PHACTR3: variants seen among roughly 807,000 people sequenced by gnomAD.
PHACTR3 encodes the protein phosphatase and actin regulator 3.
Under a neutral mutation model 66.8 loss-of-function variants are expected in PHACTR3, and 16 were observed. The ratio of observed to expected loss-of-function variants is 0.24; its 90% CI spans 0.16 to 0.36. The LOEUF is 0.36. PHACTR3 is among the 10% of genes least tolerant of loss of function. PHACTR3 has a pLI of 1.00. For missense variants in PHACTR3, 647 were observed against 719.9 expected (o/e 0.90, Z 1.16); for synonymous variants, 323 against 292.1 (o/e 1.11, Z -1.08).
chr20:59,766,229 C>T lies in PHACTR3; in HGVS notation c.542-957C>T, dbSNP rs912919892. Among the ~76,000 whole-genome samples the T allele has an allele frequency of 2.4e-4, 37 of 152,166 alleles. 1 individual carries two copies. Among genetic ancestry groups the T allele is most frequent in the Non-Finnish European group, 1.5e-5 (1 of 68,034 alleles). ...AGGGCTTGAGCAGTCATGCAGAGCA[C>T]CTGCAGGAGGAAGCTCCTGGCCACG... On this transcript the variant is annotated intron_variant, in intron 4 of 12. Coordinates refer to ENST00000371015, the MANE Select transcript of PHACTR3 (RefSeq NM_080672.5).
intron 1 of PHACTR3, among the ~76,000 whole-genome samples, chr20:59,647,618 C>T (rs1240953737): frequency 6.6e-6 from 1 of 152,164 alleles, no homozygotes; most frequent in East Asian, 1.9e-4. Flanking sequence ...CATCTCTTTC[C>T]CCACTAGTTT....
intron 1 of PHACTR3, among the ~76,000 whole-genome samples, chr20:59,646,405 AT>A (rs1036042210): frequency 6.6e-6 from 1 of 152,108 alleles, no homozygotes; most frequent in African/African-American, 2.4e-5. Flanking sequence ...AGCAAGTTAA[AT>A]TTTCTTTCTT....
At chr20:59,682,688 G>A (rs545599574) in intron 1 of PHACTR3, among the ~76,000 whole-genome samples, 5 of 152,220 alleles carry the variant, frequency 3.3e-5, no homozygotes, top group East Asian at 3.9e-4. Context: ...CCGTGAAGGC[G>A]GTGAGGAAGT....
upstream of PHACTR3, among the ~76,000 whole-genome samples, chr20:59,600,422 T>C (rs2033443367): frequency 6.6e-6 from 1 of 152,170 alleles, no homozygotes; most frequent in South Asian, 2.1e-4. Context: ...TCTTAGGAAA[T>C]ATTGGATGGT....
At chr20:59,744,847 A>T (rs144136749) in intron 2 of PHACTR3, among the ~76,000 whole-genome samples, 2 of 152,116 alleles carry the variant, frequency 1.3e-5, no homozygotes, top group African/African-American at 2.4e-5. Flanking sequence ...GTCGAGTGAC[A>T]AAGTGTGGAA....
At chr20:59,618,932 G>A (rs1246154176) in intron 1 of PHACTR3, among the ~76,000 whole-genome samples, 1 of 152,202 alleles carries the variant, frequency 6.6e-6, no homozygotes, top group Non-Finnish European at 1.5e-5. Flanking sequence ...GCCCTAGGAT[G>A]GACTGTGTTT....
intron 1 of PHACTR3, among the ~76,000 whole-genome samples, chr20:59,664,563 TCTC>T (rs2035922685): frequency 1.3e-5 from 2 of 152,082 alleles, no homozygotes; most frequent in South Asian, 4.2e-4. Flanking sequence ...GCCTTGACCT[TCTC>T]CTACACCTCC....
At chr20:59,837,703 A>T (rs1433750083) in intron 9 of PHACTR3, among the ~76,000 whole-genome samples, 11 of 152,340 alleles carry the variant, frequency 7.2e-5, no homozygotes, top group Non-Finnish European at 1.5e-4. Flanking sequence ...TTGAATTTTT[A>T]AAAATTAAGT....
intron 1 of PHACTR3, among the ~76,000 whole-genome samples, chr20:59,699,430 G>T (rs572018109): frequency 6.6e-6 from 1 of 152,050 alleles, no homozygotes; most frequent in Non-Finnish European, 1.5e-5. Context: ...TTAAAAGAAG[G>T]CTTCTAGTTT....
At chr20:59,594,130 A>G (rs2033261174) in intron 1 of PHACTR3, among the ~76,000 whole-genome samples, 1 of 152,090 alleles carries the variant, frequency 6.6e-6, no homozygotes, top group African/African-American at 2.4e-5. Flanking sequence ...CTCTCCATTT[A>G]TTTGGTTCTT....
intron 8 of PHACTR3, among the ~76,000 whole-genome samples, chr20:59,816,745 G>A (rs1407321727): frequency 6.6e-6 from 1 of 152,236 alleles, no homozygotes; most frequent in Admixed American, 6.5e-5. Context: ...ATGATTGTAT[G>A]ATTGGATAGG....
intron 1 of PHACTR3, among the ~76,000 whole-genome samples, chr20:59,591,130 C>T (rs118071766): frequency 0.03 from 4,512 of 152,290 alleles, 80 homozygotes; most frequent in Non-Finnish European, 0.042. Flanking sequence ...AATATTCTAG[C>T]GCATGGTGCA....
chr20:59,830,872 C>T lies in PHACTR3; in HGVS notation c.1329-5633C>T, dbSNP rs1395617557. On this transcript the variant is annotated intron_variant, in intron 8 of 12. Transcript: ENST00000371015. The surrounding 1 kb of genome is among the most constrained non-coding windows in gnomAD (Gnocchi z 5.8). ...TAGCTCTGTGCCAGTGCTGGGGCACCAGTGCTGACTGTGGAATAGACAGTT... is the reference window on the plus strand; with the variant it reads ...TAGCTCTGTGCCAGTGCTGGGGCACTAGTGCTGACTGTGGAATAGACAGTT... Among the ~76,000 whole-genome samples, 1 of 152,164 alleles carries T rather than the reference C, an allele frequency of 6.6e-6. No homozygotes were observed. Among genetic ancestry groups the T allele is most frequent in the Non-Finnish European group, 1.5e-5 (1 of 68,044 alleles).
intron 8 of PHACTR3, among the ~76,000 whole-genome samples, chr20:59,817,058 A>C (rs2041906525): frequency 6.6e-6 from 1 of 152,224 alleles, no homozygotes; most frequent in Non-Finnish European, 1.5e-5. Context: ...GAATTTCCTA[A>C]GAGTTTATTT....
intron 1 of PHACTR3, among the ~76,000 whole-genome samples, chr20:59,584,349 CTG>C (rs145888011): frequency 0.029 from 4,351 of 149,114 alleles, 199 homozygotes; most frequent in East Asian, 0.19. Flanking sequence ...GTGCATGTGC[CTG>C]TGTGTGCGTG....
chr20:59,662,207 C>T (rs991230687), intron 1 of PHACTR3, among the ~76,000 whole-genome samples: 1 of 151,966 alleles, frequency 6.6e-6, no homozygotes, highest in Non-Finnish European at 1.5e-5. Context: ...GGCATGTAGT[C>T]TTGAGAGACA....
chr20:59,685,943 G>A (rs910481826), intron 1 of PHACTR3, among the ~76,000 whole-genome samples: 1 of 152,170 alleles, frequency 6.6e-6, no homozygotes, highest in Non-Finnish European at 1.5e-5. Flanking sequence ...AGAGGCCCTC[G>A]GTAACTGCCA....
chr20:59,664,605 AT>A (rs2035924214), intron 1 of PHACTR3, among the ~76,000 whole-genome samples: 1 of 152,112 alleles, frequency 6.6e-6, no homozygotes, highest in African/African-American at 2.4e-5. Flanking sequence ...CCCCCTCCTG[AT>A]CCCGGGAGCC....
intron 1 of PHACTR3, among the ~76,000 whole-genome samples, chr20:59,599,192 G>T (rs748796066): frequency 6.6e-6 from 1 of 152,234 alleles, no homozygotes; most frequent in Non-Finnish European, 1.5e-5. Flanking sequence ...CAGGGCAGTT[G>T]CCTGGCTAGG....
Sources: allele counts gnomAD v4.1 joint callset (sites outside exome capture counted in the v4.1 genomes callset), GRCh38; gene constraint gnomAD v4.1.1; non-coding constraint Gnocchi (gnomAD v3.1); transcripts MANE v1.5; gene names NCBI Gene and HGNC (gene_info 2026-07-23, HGNC 2026-07-21).